FAM184A: variants seen among roughly 807,000 people sequenced by gnomAD.
FAM184A encodes protein FAM184A.
Under a neutral mutation model 143.8 loss-of-function variants are expected in FAM184A, and 99 were observed. The ratio of observed to expected loss-of-function variants is 0.69; its 90% CI spans 0.58 to 0.81. The LOEUF is 0.81. FAM184A is among the 40% of genes least tolerant of loss of function. FAM184A has a pLI of 0.00. For missense variants in FAM184A, 1,217 were observed against 1,310.5 expected, an observed-to-expected ratio of 0.93 and a Z score of 1.10; for synonymous variants, 427 against 446.4, an observed-to-expected ratio of 0.96 and a Z score of 0.55.
chr6:119,042,650 G>T (rs1369505343), intron 1 of FAM184A, among the ~76,000 whole-genome samples: 1 of 152,156 alleles, frequency 6.6e-6, no homozygotes, highest in African/African-American at 2.4e-5. Context: ...ATACCACAAT[G>T]GTGAACACAT....
intron 1 of FAM184A, among the ~76,000 whole-genome samples, chr6:119,036,060 TTATC>T (rs1786101541): frequency 1.3e-5 from 2 of 152,292 alleles, no homozygotes; most frequent in South Asian, 4.1e-4. Flanking sequence ...ATTGAGTCAC[TTATC>T]TATTTCCTAT....
At chr6:119,054,717 T>C (rs1424996416) in intron 1 of FAM184A, among the ~76,000 whole-genome samples, 2 of 152,210 alleles carry the variant, frequency 1.3e-5, no homozygotes, top group Non-Finnish European at 2.9e-5. Flanking sequence ...TCACTAAACC[T>C]AAGTGGCCCA....
At chr6:118,966,208 T>C (rs954562226) in intron 15 of FAM184A, among the ~76,000 whole-genome samples, 3 of 152,220 alleles carry the variant, frequency 2.0e-5, no homozygotes, top group Admixed American at 1.3e-4. Flanking sequence ...GCTGAAGATA[T>C]GAATGGTTAA....
At chr6:119,111,565 C>T (rs926286153) in intron 1 of FAM184A, among the ~76,000 whole-genome samples, 6 of 152,254 alleles carry the variant, frequency 3.9e-5, no homozygotes, top group East Asian at 3.9e-4. Flanking sequence ...AAGCTGATTC[C>T]GTAGACCACA....
chr6:119,017,325 C>T (rs914273244), intron 4 of FAM184A, among the ~76,000 whole-genome samples: 2 of 152,148 alleles, frequency 1.3e-5, no homozygotes, highest in African/African-American at 2.4e-5. Context: ...GGTGAAACCC[C>T]GTCTCTACTA....
At chr6:119,042,803 C>T (rs1348954936) in intron 1 of FAM184A, among the ~76,000 whole-genome samples, 3 of 152,162 alleles carry the variant, frequency 2.0e-5, no homozygotes, top group African/African-American at 7.2e-5. Context: ...ACATATCACT[C>T]TACTACACGA....
upstream of FAM184A, among the ~76,000 whole-genome samples, chr6:119,081,832 G>T (rs567220172): frequency 6.6e-6 from 1 of 152,120 alleles, no homozygotes; most frequent in Admixed American, 6.5e-5. Flanking sequence ...TGCTCTCAAC[G>T]TCCAGCTGCC....
chr6:118,969,192 G>GT (rs1203607797), intron 14 of FAM184A, among the ~76,000 whole-genome samples: 2 of 152,112 alleles, frequency 1.3e-5, no homozygotes, highest in Non-Finnish European at 2.9e-5. Flanking sequence ...CGCCATGATT[G>GT]TAAGTTTCCT....
chr6:119,006,504 C>A lies in FAM184A; in HGVS notation c.1758G>T (p.Glu586Asp). 1 of 1,614,040 alleles carries A rather than the reference C, an allele frequency of 6.2e-7. No individual in the cohort carries two copies. Residue 586 changes from glutamate to aspartate, a missense_variant, in exon 7 of 18, where the codon GAG (glutamate) becomes GAT (aspartate). Physicochemically the swap from Glu to Asp is conservative, Grantham distance 45 (BLOSUM62 2). Coordinates refer to ENST00000338891, the MANE Select transcript of FAM184A (RefSeq NM_024581.6). Reference sequence around the variant, plus strand: ...TTAGGCTGTCTTTAGTCAAGTCAAGCTCATTCTGAAGCCTTTCCTGGGAGT... The same window carrying A: ...TTAGGCTGTCTTTAGTCAAGTCAAGATCATTCTGAAGCCTTTCCTGGGAGT... ...LQDSQERLQN[E>D]LDLTKDSLKE...
At chr6:119,106,079 G>A (rs915108264) in intron 1 of FAM184A, among the ~76,000 whole-genome samples, 4 of 152,030 alleles carry the variant, frequency 2.6e-5, no homozygotes, top group African/African-American at 9.7e-5. Context: ...ATACTGCTAG[G>A]AAAAGAAATG....
chr6:118,998,111 C>A (rs1229078617), intron 9 of FAM184A, among the ~76,000 whole-genome samples: 1 of 152,154 alleles, frequency 6.6e-6, no homozygotes, highest in Non-Finnish European at 1.5e-5. Context: ...GTCACCCACA[C>A]CCCACCCCAA....
intron 9 of FAM184A, among the ~76,000 whole-genome samples, chr6:118,990,585 T>TA (rs1288833348): frequency 9.5e-5 from 9 of 94,678 alleles, no homozygotes; most frequent in Admixed American, 2.5e-4. Context: ...AAATACTAAT[T>TA]AGGCACATGG....
intron 14 of FAM184A, among the ~76,000 whole-genome samples, chr6:118,969,637 A>T (rs1032227054): frequency 9.9e-5 from 15 of 152,136 alleles, no homozygotes; most frequent in African/African-American, 3.6e-4. Flanking sequence ...CCAGGTGTGA[A>T]CAACTGGTGA....
chr6:119,014,337 A>C (rs937909367), intron 5 of FAM184A, among the ~76,000 whole-genome samples: 1 of 152,242 alleles, frequency 6.6e-6, no homozygotes, highest in African/African-American at 2.4e-5. Context: ...GAGGAGCCTA[A>C]GGCATAGCTT....
chr6:119,080,803 GAC>G (rs1369326668), upstream of FAM184A, among the ~76,000 whole-genome samples: 1 of 152,104 alleles, frequency 6.6e-6, no homozygotes, highest in Non-Finnish European at 1.5e-5. Context: ...CGGTTGGTAA[GAC>G]ACCCTGTATT....
Position 119,020,087 on chromosome 6 carries a change from G to T in FAM184A, c.1223C>A (p.Ser408Ter), listed in dbSNP as rs141308759. ...TTGAGATAATCTCTCATTGACTCTCGATTTTTCTGATTCTAAATCTTTAAT... is the reference window on the plus strand; with the variant it reads ...TTGAGATAATCTCTCATTGACTCTCTATTTTTCTGATTCTAAATCTTTAAT... ...VTIKDLESEK[S>*]RVNERLSQLE... The change falls in exon 4 of 18, where the codon TCG becomes TAG. Residue 408 changes from serine to a stop codon, truncating the protein, a stop_gained. Transcript: ENST00000338891. LOFTEE classifies it high-confidence loss of function. The T allele has an allele frequency of 6.2e-7, 1 of 1,608,650 alleles. No individual in the cohort carries two copies. The highest frequency in any genetic ancestry group is 8.5e-7 in the Non-Finnish European group (1 of 1,178,284).
intron 1 of FAM184A, among the ~76,000 whole-genome samples, chr6:119,095,322 A>G (rs1040707117): frequency 6.6e-6 from 1 of 152,204 alleles, no homozygotes; most frequent in African/African-American, 2.4e-5. Context: ...GAAGTCAGGA[A>G]AGATCCTAGT....
intron 1 of FAM184A, among the ~76,000 whole-genome samples, chr6:119,138,828 T>G (rs1041291990): frequency 6.6e-6 from 1 of 152,134 alleles, no homozygotes; most frequent in Non-Finnish European, 1.5e-5. Context: ...GGTTTCTCCA[T>G]GTTGGTCAGG....
chr6:119,140,785 G>A (rs1003087006), intron 1 of FAM184A, among the ~76,000 whole-genome samples: 1 of 152,180 alleles, frequency 6.6e-6, no homozygotes, highest in African/African-American at 2.4e-5. Flanking sequence ...TTCTCTTTCA[G>A]AATCCTGGTA....
Sources: allele counts gnomAD v4.1 joint callset (sites outside exome capture counted in the v4.1 genomes callset), GRCh38; gene constraint gnomAD v4.1.1; transcripts MANE v1.5; gene names NCBI Gene and HGNC (gene_info 2026-07-23, HGNC 2026-07-21).